The following SLIT1 variants were observed in gnomAD, a reference collection of about 807,000 sequenced individuals.
SLIT1 encodes slit homolog 1 protein.
Under a neutral mutation model 186.1 loss-of-function variants are expected in SLIT1, and 66 were observed. The ratio of observed to expected loss-of-function variants is 0.35; its 90% CI spans 0.29 to 0.44. SLIT1 has a LOEUF of 0.44. Among genes scored for constraint, SLIT1 ranks in the 20% least tolerant of loss-of-function variants. SLIT1 has a pLI of 1.00. For synonymous variants in SLIT1, 761 were observed against 833.8 expected, an observed-to-expected ratio of 0.91 and a Z score of 1.50; for missense variants, 1,638 against 2,037.4, an observed-to-expected ratio of 0.80 and a Z score of 3.77.
chr10:97,032,958 T>G (rs1429653956), intron 23 of SLIT1, among the ~76,000 whole-genome samples: 1 of 151,794 alleles, frequency 6.6e-6, no homozygotes, highest in Non-Finnish European at 1.5e-5. Flanking sequence ...TAACCTACAG[T>G]GACAGAAAGC....
intron 1 of SLIT1, among the ~76,000 whole-genome samples, chr10:97,185,226 C>T (rs1850395045): frequency 6.6e-6 from 1 of 152,224 alleles, no homozygotes; most frequent in African/African-American, 2.4e-5. Context: ...GTGCGGAGTG[C>T]AGGGTGCAGG....
chr10:97,052,096 T>G (rs1364086470), intron 13 of SLIT1, among the ~76,000 whole-genome samples: 1 of 103,298 alleles, frequency 9.7e-6, no homozygotes, highest in East Asian at 4.2e-4. Context: ...TTCGGTTTTT[T>G]TTTGTTTGTT....
intron 4 of SLIT1, among the ~76,000 whole-genome samples, chr10:97,141,783 T>C (rs1589409097): frequency 6.6e-6 from 1 of 151,716 alleles, no homozygotes. Flanking sequence ...TACTGTATTG[T>C]ATTGTACTGT....
chr10:97,175,614 C>T (rs529396975), intron 1 of SLIT1, among the ~76,000 whole-genome samples: 205 of 152,270 alleles, frequency 1.3e-3, no homozygotes, highest in African/African-American at 4.8e-3. Context: ...ATCCCAACTC[C>T]ATAGGATTCT....
At chr10:97,147,447 TAA>T (rs1209831072) in intron 4 of SLIT1, among the ~76,000 whole-genome samples, 1 of 152,156 alleles carries the variant, frequency 6.6e-6, no homozygotes, top group African/African-American at 2.4e-5. Context: ...ACCATGATTT[TAA>T]AAAAGTGTTA....
At chr10:97,052,833 T>C (rs1015949201) in intron 13 of SLIT1, among the ~76,000 whole-genome samples, 6 of 152,208 alleles carry the variant, frequency 3.9e-5, no homozygotes, top group African/African-American at 1.4e-4. Context: ...GTTGTAATAA[T>C]AGTACCTGAT....
chr10:97,014,215 T>A, intron 28 of SLIT1, 57 bp from the exon 29 acceptor site: 1 of 1,583,932 alleles, frequency 6.3e-7, no homozygotes, highest in Non-Finnish European at 8.6e-7. Context: ...GGTGGAAGCC[T>A]GTGGCTGCCG....
chr10:97,164,207 C>T (rs904179742), intron 2 of SLIT1, among the ~76,000 whole-genome samples: 1 of 152,228 alleles, frequency 6.6e-6, no homozygotes, highest in African/African-American at 2.4e-5. Flanking sequence ...TTTCCCCCTG[C>T]ATCTGTCCCT....
At chr10:97,116,823 C>T (rs1211230903) in intron 4 of SLIT1, among the ~76,000 whole-genome samples, 2 of 152,184 alleles carry the variant, frequency 1.3e-5, no homozygotes, top group African/African-American at 4.8e-5. Flanking sequence ...ACATCCCCTC[C>T]ATCCCCAGCC....
chr10:97,156,694 A>G (rs2134718802), intron 4 of SLIT1, among the ~76,000 whole-genome samples: 1 of 152,346 alleles, frequency 6.6e-6, no homozygotes, highest in African/African-American at 2.4e-5. Context: ...GTGTTTAATC[A>G]GAGGAGACAA....
intron 5 of SLIT1, among the ~76,000 whole-genome samples, chr10:97,065,156 A>T (rs1589380240): frequency 6.6e-6 from 1 of 152,004 alleles, no homozygotes; most frequent in South Asian, 2.1e-4. Context: ...ACACACACAC[A>T]CACACACACA....
chr10:97,163,334 C>G, intron 3 of SLIT1, 46 bp downstream of exon 3: 1 of 1,545,452 alleles, frequency 6.5e-7, no homozygotes, highest in South Asian at 1.1e-5. Context: ...AGTTCCCTCT[C>G]GTGCCAGCCC....
chr10:97,046,595 C>T (rs1589373583), intron 18 of SLIT1, 59 bp downstream of exon 18: 5 of 1,512,512 alleles, frequency 3.3e-6, no homozygotes, highest in Non-Finnish European at 4.4e-6. Flanking sequence ...CTTCCTTTCC[C>T]TTGGCTTTGC....
rs544237838 is a variant in SLIT1, at chr10:97,162,034, G to C, written c.341+1346C>G. Among the ~76,000 whole-genome samples, 475 of 152,162 alleles carry C rather than the reference G, an allele frequency of 3.1e-3. 2 individuals carry two copies. Among genetic ancestry groups the C allele is most frequent in the African/African-American group, 0.011 (446 of 41,514 alleles). ...TAGCTATAATCATAATAATAAACTT[G>C]TCATAAGAAAATCCATTAAAAGAGA... is the stretch of plus-strand genomic sequence containing the variant. On this transcript the variant is annotated intron_variant, in intron 3 of 36. Coordinates refer to ENST00000266058, the MANE Select transcript of SLIT1 (RefSeq NM_003061.3).
intron 4 of SLIT1, among the ~76,000 whole-genome samples, chr10:97,097,054 G>A (rs552870651): frequency 1.3e-4 from 20 of 152,232 alleles, no homozygotes; most frequent in East Asian, 3.9e-4. Flanking sequence ...AGTGCACAGC[G>A]CCTGGCACCC....
intron 4 of SLIT1, among the ~76,000 whole-genome samples, chr10:97,128,323 A>T (rs1326136132): frequency 6.6e-6 from 1 of 152,124 alleles, no homozygotes; most frequent in African/African-American, 2.4e-5. Context: ...AATCATAAAG[A>T]TGGGCCCAGC....
intron 20 of SLIT1, among the ~76,000 whole-genome samples, chr10:97,040,910 C>G (rs770751609): frequency 6.6e-6 from 1 of 152,196 alleles, no homozygotes; most frequent in Non-Finnish European, 1.5e-5. Context: ...CAGTGACCAT[C>G]AGTTATGCAG....
Position 97,004,650 on chromosome 10 carries a change from C to A in SLIT1, c.3710+43G>T, listed in dbSNP as rs1455366676. On this transcript the variant is annotated intron_variant, in intron 33 of 36. Coordinates refer to ENST00000266058, the MANE Select transcript of SLIT1 (RefSeq NM_003061.3). The surrounding 1 kb of genome is among the most constrained non-coding windows in gnomAD (Gnocchi z 5.1). Reference sequence around the variant, plus strand: ...GCCCAGGAGACCTCGCCCTGGCAGTCCCGTACCCCTGAGGGCAGCTGGGGG... The same window carrying A: ...GCCCAGGAGACCTCGCCCTGGCAGTACCGTACCCCTGAGGGCAGCTGGGGG... 3.7e-6 allele frequency: 6 copies of A among 1,612,578 alleles called. No homozygotes were observed. Among genetic ancestry groups the A allele is most frequent in the Middle Eastern group, 1.6e-4 (1 of 6,078 alleles).
At chr10:97,100,637 A>AAG (rs1224871078) in intron 4 of SLIT1, among the ~76,000 whole-genome samples, 1 of 152,022 alleles carries the variant, frequency 6.6e-6, no homozygotes, top group East Asian at 1.9e-4. Flanking sequence ...TGTCTCAAAA[A>AAG]AAAAAAAATT....
Sources: gnomAD v4.1 joint callset for allele counts (sites outside exome capture counted in the v4.1 genomes callset) on GRCh38, gnomAD v4.1.1 for gene constraint, Gnocchi (gnomAD v3.1) non-coding constraint, MANE v1.5 for transcripts, NCBI Gene and HGNC (gene_info 2026-07-23, HGNC 2026-07-21) for gene names.